SPECC1: variants seen among roughly 807,000 people sequenced by gnomAD.
SPECC1 encodes sperm antigen with calponin homology and coiled-coil domains 1.
Under a neutral mutation model 104.1 loss-of-function variants are expected in SPECC1, and 62 were observed. The observed-to-expected ratio is 0.60, with a 90% CI of 0.49 to 0.74. The LOEUF (loss-of-function observed/expected upper bound fraction) is 0.74, where lower values mean the gene tolerates loss of function less well. Among genes scored for constraint, SPECC1 ranks in the 30% least tolerant of loss-of-function variants. The pLI, the probability that SPECC1 is intolerant of heterozygous loss-of-function variation, is 0.00. For synonymous variants in SPECC1, 513 were observed against 501.6 expected (o/e 1.02, Z -0.30); for missense variants, 1,306 against 1,310.5 (o/e 1.00, Z 0.05).
At chr17:20,095,383 A>G (rs1042825342) in intron 1 of SPECC1, among the ~76,000 whole-genome samples, 20 of 152,198 alleles carry the variant, frequency 1.3e-4, no homozygotes, top group Admixed American at 1.0e-3. Flanking sequence ...CCTTTAAAGG[A>G]GTGTTTCCAC....
At chr17:20,278,549 AG>A (rs2040650140) in intron 12 of SPECC1, among the ~76,000 whole-genome samples, 1 of 152,182 alleles carries the variant, frequency 6.6e-6, no homozygotes. Flanking sequence ...ATCTGGTTAA[AG>A]GTTCTTGGCT....
chr17:20,057,157 G>T (rs1239541894), intron 1 of SPECC1, among the ~76,000 whole-genome samples: 5 of 152,044 alleles, frequency 3.3e-5, no homozygotes, highest in Non-Finnish European at 7.4e-5. Context: ...AAACAGAAAG[G>T]TTGGCCGGGT....
intron 13 of SPECC1, among the ~76,000 whole-genome samples, chr17:20,304,196 A>G (rs1187033477): frequency 6.6e-6 from 1 of 150,414 alleles, no homozygotes; most frequent in Non-Finnish European, 1.5e-5. Flanking sequence ...TAACTGAGAA[A>G]CGAGAATCAC....
intron 12 of SPECC1, among the ~76,000 whole-genome samples, chr17:20,262,183 T>C (rs1347050583): frequency 6.6e-6 from 1 of 152,244 alleles, no homozygotes; most frequent in Non-Finnish European, 1.5e-5. Context: ...ATTGTAGGAT[T>C]ATACCATTAT....
At position 20,204,541 on chromosome 17, in the gene SPECC1, T is replaced by C; in HGVS notation, c.492T>C (p.Ala164=). 6.2e-7 allele frequency: 1 copy of C among 1,614,202 alleles called. No individual in the cohort carries two copies. Among genetic ancestry groups the C allele is most frequent in the African/African-American group, 1.3e-5 (1 of 75,056 alleles). ...PKQENEGGEK[A]ALESQVRELL... ...AAGAGAATGAAGGTGGAGAAAAGGC[T>C]GCGCTTGAGTCCCAAGTTCGGGAAC... The change falls in exon 4 of 15, where the codon GCT becomes GCC. Residue 164 remains alanine, a synonymous_variant. Coordinates refer to ENST00000395527, the MANE Select transcript of SPECC1 (RefSeq NM_001243439.2).
chr17:20,021,167 G>A (rs1190084251), intron 1 of SPECC1, among the ~76,000 whole-genome samples: 3 of 151,874 alleles, frequency 2.0e-5, no homozygotes, highest in Non-Finnish European at 4.4e-5. Context: ...AGGCTGAGGG[G>A]GAGGAGGAAG....
At chr17:20,156,127 A>G (rs2152571175) in intron 3 of SPECC1, 1 of 1,385,384 alleles carries the variant, frequency 7.2e-7, no homozygotes, top group Non-Finnish European at 9.4e-7. Flanking sequence ...AGCCGGAGCC[A>G]GCGCGAGCTC....
chr17:20,273,020 C>T (rs1009117352), intron 12 of SPECC1, among the ~76,000 whole-genome samples: 2 of 152,184 alleles, frequency 1.3e-5, no homozygotes, highest in Non-Finnish European at 2.9e-5. Context: ...CCCTGGCCTG[C>T]GTATGAGGCC....
At chr17:20,152,843 T>A (rs1005982499) in intron 3 of SPECC1, among the ~76,000 whole-genome samples, 1 of 152,096 alleles carries the variant, frequency 6.6e-6, no homozygotes, top group Non-Finnish European at 1.5e-5. Flanking sequence ...AATTTTTGTA[T>A]TTTTGGTAGA....
chr17:20,222,548 T>C (rs966084484), intron 4 of SPECC1, among the ~76,000 whole-genome samples: 1 of 152,208 alleles, frequency 6.6e-6, no homozygotes, highest in African/African-American at 2.4e-5. Context: ...TTGTTGTCTG[T>C]TGTTTCTATT....
At chr17:20,273,224 C>A (rs1427767961) in intron 12 of SPECC1, among the ~76,000 whole-genome samples, 1 of 152,192 alleles carries the variant, frequency 6.6e-6, no homozygotes, top group Admixed American at 6.5e-5. Flanking sequence ...TGGCTCACCC[C>A]TGTAGTCCCA....
At chr17:20,217,386 C>T (rs1427847547) in intron 4 of SPECC1, among the ~76,000 whole-genome samples, 1 of 151,850 alleles carries the variant, frequency 6.6e-6, no homozygotes, top group African/African-American at 2.4e-5. Flanking sequence ...GAAACAACTG[C>T]TGATTTGCAG....
chr17:20,215,868 T>C (rs2037456316), intron 4 of SPECC1, among the ~76,000 whole-genome samples: 1 of 152,230 alleles, frequency 6.6e-6, no homozygotes, highest in Non-Finnish European at 1.5e-5. Flanking sequence ...GCTTGGTTCT[T>C]AGATATCTCT....
chr17:20,273,833 C>T (rs1007376960), intron 12 of SPECC1, among the ~76,000 whole-genome samples: 2 of 152,230 alleles, frequency 1.3e-5, no homozygotes, highest in Non-Finnish European at 2.9e-5. Flanking sequence ...GACTTTTCAG[C>T]TGCCAATGTT....
At chr17:20,229,285 A>G (rs993375559) in intron 5 of SPECC1, among the ~76,000 whole-genome samples, 1 of 152,158 alleles carries the variant, frequency 6.6e-6, no homozygotes, top group Non-Finnish European at 1.5e-5. Flanking sequence ...AGACGCACCT[A>G]CAGAGAAAAC....
chr17:20,235,637 T>C (rs1052767825), intron 7 of SPECC1, among the ~76,000 whole-genome samples: 1 of 152,238 alleles, frequency 6.6e-6, no homozygotes, highest in Non-Finnish European at 1.5e-5. Context: ...TCTGTGTTTG[T>C]GGCATTTGTT....
intron 11 of SPECC1, among the ~76,000 whole-genome samples, chr17:20,259,810 C>T (rs2039962242): frequency 6.6e-6 from 1 of 152,118 alleles, no homozygotes; most frequent in South Asian, 2.1e-4. Flanking sequence ...TGCACCCAGC[C>T]AATCTACCTT....
chr17:20,142,827 C>CA (rs35579592), intron 3 of SPECC1, among the ~76,000 whole-genome samples: 79,122 of 142,250 alleles, frequency 0.56, 22,021 homozygotes, highest in Middle Eastern at 0.62. Flanking sequence ...CTATCTTTAC[C>CA]AAAAAAAAAA....
intron 1 of SPECC1, among the ~76,000 whole-genome samples, chr17:20,081,694 G>T (rs754543914): frequency 6.6e-6 from 1 of 152,092 alleles, no homozygotes; most frequent in Non-Finnish European, 1.5e-5. Flanking sequence ...GGATCTGTCC[G>T]GAATGTAGAG....
Sources: allele counts gnomAD v4.1 joint callset (sites outside exome capture counted in the v4.1 genomes callset), GRCh38; gene constraint gnomAD v4.1.1; transcripts MANE v1.5; gene names NCBI Gene and HGNC (gene_info 2026-07-23, HGNC 2026-07-21).